The following PPP1R37 variants were observed in gnomAD, a reference collection of about 807,000 sequenced individuals.
PPP1R37 encodes leucine rich repeat containing 68.
Under a neutral mutation model 61.0 loss-of-function variants are expected in PPP1R37, and 21 were observed. The observed-to-expected ratio is 0.34, with a 90% CI of 0.24 to 0.50. PPP1R37 has a LOEUF of 0.50. Ranked by LOEUF, PPP1R37 falls within the 20% of genes least tolerant of loss-of-function variation. The probability of loss-of-function intolerance (pLI) is 0.98; values close to 1 mark genes in which losing one functional copy is unlikely to be tolerated. For synonymous variants in PPP1R37, 443 were observed against 433.5 expected, an observed-to-expected ratio of 1.02 and a Z score of -0.27; for missense variants, 910 against 952.7, an observed-to-expected ratio of 0.96 and a Z score of 0.59.
At chr19:45,096,795 G>T (rs1031514539) in intron 1 of PPP1R37, among the ~76,000 whole-genome samples, 1 of 152,152 alleles carries the variant, frequency 6.6e-6, no homozygotes, top group African/African-American at 2.4e-5. Context: ...CGAGGAGTCC[G>T]TGCGTCTGAG....
intron 1 of PPP1R37, among the ~76,000 whole-genome samples, chr19:45,107,638 A>G (rs1047958634): frequency 6.6e-5 from 10 of 152,142 alleles, no homozygotes; most frequent in Non-Finnish European, 7.3e-5. Context: ...TTGTCCCTTC[A>G]TTATTGAGTT....
intron 1 of PPP1R37, among the ~76,000 whole-genome samples, chr19:45,123,919 C>A (rs1968370947): frequency 6.6e-6 from 1 of 151,936 alleles, no homozygotes; most frequent in Admixed American, 6.5e-5. Context: ...CTGGCCAGAA[C>A]ATCCCCATCT....
intron 1 of PPP1R37, among the ~76,000 whole-genome samples, chr19:45,108,070 A>G (rs1193649897): frequency 6.6e-6 from 1 of 152,218 alleles, no homozygotes; most frequent in African/African-American, 2.4e-5. Context: ...GTCAAAGGGA[A>G]GGAACATTGG....
intron 5 of PPP1R37, 98 bp downstream of exon 5, chr19:45,141,539 T>C: frequency 7.1e-7 from 1 of 1,411,936 alleles, no homozygotes; most frequent in Non-Finnish European, 9.4e-7. Flanking sequence ...CTGCATGAGC[T>C]CTTGAGTGTG....
At chr19:45,103,137 G>T (rs1968084907) in intron 1 of PPP1R37, among the ~76,000 whole-genome samples, 2 of 152,212 alleles carry the variant, frequency 1.3e-5, no homozygotes, top group Non-Finnish European at 1.5e-5. Flanking sequence ...CCTCCGCAGG[G>T]TCTCACACTG....
chr19:45,135,490 A>G (rs13344055), intron 1 of PPP1R37, among the ~76,000 whole-genome samples: 5,351 of 152,254 alleles, frequency 0.035, 318 homozygotes, highest in African/African-American at 0.12. Context: ...TAGTTCACCC[A>G]CCCTGTAAAA....
In PPP1R37 at chr19:45,145,088, C is replaced by G. The variant is rs1192184391; in HGVS notation, c.1130-6C>G. 6.5e-7 allele frequency: 1 copy of G among 1,532,104 alleles called. No individual in the cohort carries two copies. 94.9% of individuals were successfully genotyped at this position (1,532,104 alleles called of 1,614,324 possible). ...CCCGTGGCCAGCCCCTGCGGTGCCC[C>G]CCCAGGCGCGGTGGCGGTGGCGGAG... On this transcript the variant is annotated splice_polypyrimidine_tract_variant and splice_region_variant and intron_variant, in intron 9 of 12. Coordinates refer to ENST00000221462, the MANE Select transcript of PPP1R37 (RefSeq NM_019121.2).
chr19:45,138,518 G>A lies in PPP1R37; in HGVS notation c.207G>A (p.Gln69=). 1 of 1,530,652 alleles carries A rather than the reference G, an allele frequency of 6.5e-7. No homozygotes were observed. Among genetic ancestry groups the A allele is most frequent in the Non-Finnish European group, 8.7e-7 (1 of 1,143,358 alleles). 94.8% of individuals were successfully genotyped at this position (1,530,652 alleles called of 1,614,324 possible). Residue 69 remains glutamine, a synonymous_variant, in exon 2 of 13, where the codon CAG becomes CAA. Coordinates refer to ENST00000221462, the MANE Select transcript of PPP1R37 (RefSeq NM_019121.2). ...CTGGGTCCCCTGTGCCTGCAGCCCA[G>A]AATGTGACCGTGGACGAGGTCATCG... ...VEPKDPWRHA[Q]NVTVDEVIGA... is the part of the protein sequence containing the mutation.
chr19:45,145,773 C>T lies in PPP1R37; in HGVS notation c.1717C>T (p.Arg573Trp), dbSNP rs772276492. 5.9e-6 allele frequency: 9 copies of T among 1,515,230 alleles called. No homozygotes were observed. The South Asian group carries it at 6.2e-5, about 10-fold the overall frequency. 93.9% of individuals were successfully genotyped at this position (1,515,230 alleles called of 1,614,324 possible). The stretch of plus-strand genomic sequence containing the variant: ...GGGCCACAAGGTGTTTGTGGTGACC[C>T]GGGTGGAGAGCCCGCCCGAGAGGGC... The part of the protein sequence containing the change: ...GRGHKVFVVT[R>W]VESPPERAEP... The change falls in exon 11 of 13, where the codon CGG becomes TGG. Residue 573 changes from arginine (R) to tryptophan (W), a missense_variant. Physicochemically the swap from Arg to Trp is moderately radical, Grantham distance 101. Coordinates refer to ENST00000221462, the MANE Select transcript of PPP1R37 (RefSeq NM_019121.2).
At position 45,103,848 on chromosome 19, in the gene PPP1R37, G is replaced by A. The variant is rs116258981; in HGVS notation, c.202+10321G>A. On this transcript the variant is annotated intron_variant, in intron 1 of 12. Coordinates refer to ENST00000221462, the MANE Select transcript of PPP1R37 (RefSeq NM_019121.2). ...TGCCAAGGCCACACAGGTAGTAGAG[G>A]AGGAGCTGAGTTATAGCCCGGCAGC... Among the ~76,000 whole-genome samples, 937 of 152,252 alleles carry A rather than the reference G, an allele frequency of 6.2e-3. 8 individuals are homozygous for A. The highest frequency in any genetic ancestry group is 0.022 in the African/African-American group (911 of 41,532).
chr19:45,110,628 G>A (rs1340555652), intron 1 of PPP1R37, among the ~76,000 whole-genome samples: 4 of 152,072 alleles, frequency 2.6e-5, no homozygotes, highest in Non-Finnish European at 2.9e-5. Flanking sequence ...TTTGTTCACG[G>A]CTGTCTGCCT....
chr19:45,135,139 T>C (rs1014463657), intron 1 of PPP1R37, among the ~76,000 whole-genome samples: 2 of 151,978 alleles, frequency 1.3e-5, no homozygotes, highest in Admixed American at 1.3e-4. Context: ...TTCCAGCAAC[T>C]CGGGAGGCTG....
intron 1 of PPP1R37, among the ~76,000 whole-genome samples, chr19:45,116,152 C>A (rs139167056): frequency 2.8e-3 from 427 of 152,328 alleles, no homozygotes; most frequent in African/African-American, 9.5e-3. Context: ...GCCCAATCTG[C>A]CTTGTTCCTT....
At chr19:45,118,553 C>T (rs1032018241) in intron 1 of PPP1R37, among the ~76,000 whole-genome samples, 6 of 152,270 alleles carry the variant, frequency 3.9e-5, no homozygotes, top group African/African-American at 9.6e-5. Context: ...TCAGGGAGCT[C>T]GGGTACATAA....
intron 11 of PPP1R37, 37 bp downstream of exon 11, chr19:45,146,086 G>A: frequency 6.7e-7 from 1 of 1,485,794 alleles, no homozygotes; most frequent in South Asian, 1.3e-5. Context: ...GAGGGGCCCT[G>A]GGTGCTGTAT....
chr19:45,110,940 G>C (rs926526304), intron 1 of PPP1R37, among the ~76,000 whole-genome samples: 1 of 152,184 alleles, frequency 6.6e-6, no homozygotes, highest in African/African-American at 2.4e-5. Flanking sequence ...GTTCTGGCAG[G>C]ACTGAATGTC....
intron 1 of PPP1R37, among the ~76,000 whole-genome samples, chr19:45,098,040 C>T (rs1179490397): frequency 6.6e-6 from 1 of 152,190 alleles, no homozygotes; most frequent in East Asian, 1.9e-4. Context: ...GATCCCTGCC[C>T]TGCAGACCAC....
chr19:45,121,716 G>A lies in PPP1R37; in HGVS notation c.203-16798G>A, dbSNP rs1451275478. Among the ~76,000 whole-genome samples the A allele has an allele frequency of 2.6e-5, 4 of 152,160 alleles. No individual in the cohort carries two copies. Among genetic ancestry groups the A allele is most frequent in the Non-Finnish European group, 4.4e-5 (3 of 68,032 alleles). ...TCTGGATGCCCGCGGTGGGGTGCTGGGGCCTCCACGGGCGTCATTCTGTGG... is the reference window on the plus strand; with the variant it reads ...TCTGGATGCCCGCGGTGGGGTGCTGAGGCCTCCACGGGCGTCATTCTGTGG... On this transcript the variant is annotated intron_variant, in intron 1 of 12. Coordinates refer to ENST00000221462, the MANE Select transcript of PPP1R37 (RefSeq NM_019121.2). The surrounding 1 kb of genome is among the most constrained non-coding windows in gnomAD (Gnocchi z 4.2).
intron 1 of PPP1R37, among the ~76,000 whole-genome samples, chr19:45,135,232 A>C (rs953290560): frequency 6.6e-6 from 1 of 152,052 alleles, no homozygotes; most frequent in African/African-American, 2.4e-5. Flanking sequence ...TGGGCGACAG[A>C]GTGAAACTCT....
Sources: gnomAD v4.1 joint callset for allele counts (sites outside exome capture counted in the v4.1 genomes callset) on GRCh38, gnomAD v4.1.1 for gene constraint, Gnocchi (gnomAD v3.1) non-coding constraint, MANE v1.5 for transcripts, NCBI Gene and HGNC (gene_info 2026-07-23, HGNC 2026-07-21) for gene names.